The following NFIA variants were observed in gnomAD, a reference collection of about 807,000 sequenced individuals.
NFIA encodes the protein nuclear factor 1 A-type.
In NFIA, 8 loss-of-function variants were observed where a neutral mutation model predicts 62.8. The ratio of observed to expected loss-of-function variants is 0.13; its 90% confidence interval spans 0.07 to 0.23. The LOEUF is 0.23. Ranked by LOEUF, NFIA falls within the 10% of genes least tolerant of loss-of-function variation. The probability of loss-of-function intolerance (pLI) is 1.00; values close to 1 mark genes in which losing one functional copy is unlikely to be tolerated. For missense variants in NFIA, 410 were observed against 642.1 expected (o/e 0.64, Z 3.91); for synonymous variants, 235 against 238.1 (o/e 0.99, Z 0.12).
chr1:61,106,953 CAT>C (rs35012316), intron 2 of NFIA, among the ~76,000 whole-genome samples: 125 of 150,320 alleles, frequency 8.3e-4, no homozygotes, highest in African/African-American at 1.9e-3. Context: ...CATATACATA[CAT>C]ATATATATAT....
chr1:61,082,670 C>T lies in NFIA; in HGVS notation c.-122C>T. 6.6e-7 allele frequency: 1 copy of T among 1,519,150 alleles called. No individual in the cohort carries two copies. The allele number at this position is 1,519,150 out of a possible 1,614,324, so 94.1% of individuals were successfully genotyped here. A position where few individuals can be genotyped will look rare whatever the true frequency, so the allele number is the denominator to read the frequency against. On this transcript the variant is annotated 5_prime_UTR_variant, in exon 1 of 11. Transcript: ENST00000403491. ...GCAGGCTTGATTTTTTTTTCTCCCC[C>T]CTTCTCTCTCTCTCTCTCTCTCTCT...
rs187852924 is a variant in NFIA, at chr1:61,321,246, A to T, written c.626-11266A>T. Among the ~76,000 whole-genome samples the T allele has an allele frequency of 6.7e-4, 102 of 151,998 alleles. 2 individuals are homozygous for T. The East Asian group carries it at 0.014, about 20-fold the overall frequency. On this transcript the variant is annotated intron_variant, in intron 3 of 10. Transcript: ENST00000403491. ...TGCTAAAGTAAGTGTTTAAATTTTTAAAATAATCCCTAAAGATTATTTTTG... is the reference window on the plus strand; with the variant it reads ...TGCTAAAGTAAGTGTTTAAATTTTTTAAATAATCCCTAAAGATTATTTTTG...
At chr1:61,166,686 A>C (rs779724097) in intron 2 of NFIA, among the ~76,000 whole-genome samples, 7 of 152,142 alleles carry the variant, frequency 4.6e-5, no homozygotes, top group Non-Finnish European at 8.8e-5. Context: ...TAGTTTATAG[A>C]CTCTTAGGTG....
chr1:61,105,256 C>T (rs185280063), intron 2 of NFIA, among the ~76,000 whole-genome samples: 4 of 151,764 alleles, frequency 2.6e-5, no homozygotes, highest in African/African-American at 4.8e-5. Flanking sequence ...GATTTTCTTA[C>T]GATAACTCAA....
intron 2 of NFIA, among the ~76,000 whole-genome samples, chr1:61,167,354 A>G (rs1041633997): frequency 2.6e-5 from 4 of 152,198 alleles, no homozygotes; most frequent in African/African-American, 9.6e-5. Context: ...ACTTTTCTCT[A>G]AAGGAGGCAT....
At chr1:61,403,456 G>T (rs975918296) in intron 7 of NFIA, among the ~76,000 whole-genome samples, 2 of 152,150 alleles carry the variant, frequency 1.3e-5, no homozygotes, top group African/African-American at 4.8e-5. Context: ...TTTAGCAGGG[G>T]TCACTGCCTG....
intron 3 of NFIA, among the ~76,000 whole-genome samples, chr1:61,285,608 T>C (rs1165128776): frequency 6.6e-6 from 1 of 152,178 alleles, no homozygotes; most frequent in Non-Finnish European, 1.5e-5. Context: ...TCCAGGCAAC[T>C]CTTTTCCCCC....
intron 2 of NFIA, among the ~76,000 whole-genome samples, chr1:61,154,882 G>T (rs1648683099): frequency 6.6e-6 from 1 of 152,222 alleles, no homozygotes; most frequent in African/African-American, 2.4e-5. Context: ...TAAAGGGCTT[G>T]GAAGATAGCA....
intron 2 of NFIA, among the ~76,000 whole-genome samples, chr1:61,150,604 T>C (rs1648331473): frequency 6.6e-6 from 1 of 152,218 alleles, no homozygotes; most frequent in South Asian, 2.1e-4. Context: ...CTTACGACAC[T>C]GGACTTCTTA....
At chr1:61,436,044 G>A (rs1456869682) in intron 10 of NFIA, among the ~76,000 whole-genome samples, 1 of 152,102 alleles carries the variant, frequency 6.6e-6, no homozygotes, top group Admixed American at 6.5e-5. Flanking sequence ...AAGTCCTGGC[G>A]TTTTGTGCAG....
intron 9 of NFIA, among the ~76,000 whole-genome samples, chr1:61,424,964 T>C (rs1328702998): frequency 6.6e-6 from 1 of 152,240 alleles, no homozygotes; most frequent in Admixed American, 6.5e-5. Context: ...ACAAAATCAG[T>C]AGATTTACAT....
At chr1:61,447,506 G>A (rs745953804) in intron 10 of NFIA, among the ~76,000 whole-genome samples, 19 of 152,080 alleles carry the variant, frequency 1.2e-4, no homozygotes, top group Non-Finnish European at 2.4e-4. Context: ...AAACCCCGTC[G>A]CCACTGCATT....
chr1:61,111,006 A>G (rs1646685904), intron 2 of NFIA, among the ~76,000 whole-genome samples: 1 of 152,126 alleles, frequency 6.6e-6, no homozygotes, highest in Non-Finnish European at 1.5e-5. Context: ...AAAAATTAAA[A>G]TAAGTAGAGG....
At chr1:61,095,003 T>C (rs1646385912) in intron 2 of NFIA, among the ~76,000 whole-genome samples, 1 of 152,152 alleles carries the variant, frequency 6.6e-6, no homozygotes, top group Admixed American at 6.5e-5. Flanking sequence ...GAAGTTCATT[T>C]GTATTGTGTA....
intron 2 of NFIA, among the ~76,000 whole-genome samples, chr1:61,092,617 T>C (rs1646340107): frequency 6.6e-6 from 1 of 152,220 alleles, no homozygotes; most frequent in African/African-American, 2.4e-5. Context: ...TATGCTGACA[T>C]GAATGCTCAT....
intron 2 of NFIA, among the ~76,000 whole-genome samples, chr1:61,132,059 G>C (rs933729985): frequency 6.6e-6 from 1 of 152,104 alleles, no homozygotes; most frequent in Non-Finnish European, 1.5e-5. Flanking sequence ...ATACACTTCT[G>C]TAGAAAAAAT....
intron 2 of NFIA, among the ~76,000 whole-genome samples, chr1:61,114,324 A>T (rs1570181633): frequency 1.3e-5 from 2 of 151,960 alleles, no homozygotes; most frequent in African/African-American, 4.8e-5. Context: ...CATCTTAAAA[A>T]AATTTTTTTT....
chr1:61,124,778 A>G (rs926047703), intron 2 of NFIA: 2 of 152,202 alleles, frequency 1.3e-5, no homozygotes, highest in African/African-American at 4.8e-5. Flanking sequence ...CAACTTGTAT[A>G]TGAGGCAGCA....
chr1:61,401,856 A>T (rs1048978055), intron 7 of NFIA, among the ~76,000 whole-genome samples: 7 of 152,172 alleles, frequency 4.6e-5, no homozygotes, highest in Admixed American at 4.6e-4. Context: ...AGCAAGGAGG[A>T]CTGTACCATG....
Sources: allele counts gnomAD v4.1 joint callset (sites outside exome capture counted in the v4.1 genomes callset), GRCh38; gene constraint gnomAD v4.1.1; transcripts MANE v1.5; gene names NCBI Gene and HGNC (gene_info 2026-07-23, HGNC 2026-07-21).